The following ANKS1B variants were observed in gnomAD, a reference collection of about 807,000 sequenced individuals.
ANKS1B encodes the protein ankyrin repeat and sterile alpha motif domain-containing protein 1B.
A neutral mutation model predicts 148.3 loss-of-function variants in ANKS1B; 36 were observed. That is an observed-to-expected ratio of 0.24 (90% CI 0.19 to 0.32). The LOEUF is 0.32. Among genes scored for constraint, ANKS1B ranks in the 10% least tolerant of loss-of-function variants. The probability of loss-of-function intolerance (pLI) is 1.00; values close to 1 mark genes in which losing one functional copy is unlikely to be tolerated. For synonymous variants in ANKS1B, 542 were observed against 560.8 expected, an observed-to-expected ratio of 0.97 and a Z score of 0.47; for missense variants, 1,157 against 1,542.6, an observed-to-expected ratio of 0.75 and a Z score of 4.19.
chr12:99,787,956 A>G (rs2065182339), intron 4 of ANKS1B, among the ~76,000 whole-genome samples: 1 of 152,130 alleles, frequency 6.6e-6, no homozygotes, highest in South Asian at 2.1e-4. Context: ...GAAGGGAATC[A>G]CCCATGGAAT....
In ANKS1B at chr12:99,644,587, T is replaced by C. The variant is rs183908783; in HGVS notation, c.1272+10480A>G. Among the ~76,000 whole-genome samples the C allele has an allele frequency of 1.1e-4, 16 of 152,362 alleles. No homozygotes were observed. In the East Asian group the frequency reaches 3.1e-3, roughly 29 times the overall value. ...TGCTCCTCAAAATTCTTCTAGCTTC[T>C]ACCCAGTGCCCAATTCCAAAGCCAT... On this transcript the variant is annotated intron_variant, in intron 9 of 26. Coordinates refer to ENST00000683438, the MANE Select transcript of ANKS1B (RefSeq NM_001352186.2).
intron 1 of ANKS1B, among the ~76,000 whole-genome samples, chr12:99,925,294 T>C (rs2094456108): frequency 6.6e-6 from 1 of 152,176 alleles, no homozygotes; most frequent in East Asian, 1.9e-4. Flanking sequence ...TTGGGTTTAA[T>C]AGCCTTTGGC....
At chr12:98,954,587 A>T (rs1015076581) in intron 17 of ANKS1B, among the ~76,000 whole-genome samples, 2 of 152,230 alleles carry the variant, frequency 1.3e-5, no homozygotes, top group Admixed American at 6.5e-5. Context: ...ATGTAATTTC[A>T]CAATTGCATT....
intron 17 of ANKS1B, among the ~76,000 whole-genome samples, chr12:99,046,217 C>T (rs982308727): frequency 2.0e-4 from 31 of 151,982 alleles, no homozygotes; most frequent in African/African-American, 6.8e-4. Flanking sequence ...AGATCAAAGA[C>T]TATTCAAAGA....
chr12:98,791,744 T>C (rs1198094120), intron 22 of ANKS1B, among the ~76,000 whole-genome samples: 1 of 152,130 alleles, frequency 6.6e-6, no homozygotes, highest in East Asian at 1.9e-4. Flanking sequence ...TTTAAAAAAA[T>C]AGTTGTTTAA....
intron 10 of ANKS1B, among the ~76,000 whole-genome samples, chr12:99,450,581 A>G (rs895028601): frequency 6.6e-6 from 1 of 152,200 alleles, no homozygotes; most frequent in African/African-American, 2.4e-5. Context: ...ATAATTAAGT[A>G]CTAAATTATT....
chr12:99,446,704 C>T (rs780969493), intron 10 of ANKS1B, among the ~76,000 whole-genome samples: 8 of 152,002 alleles, frequency 5.3e-5, no homozygotes, highest in Admixed American at 2.0e-4. Flanking sequence ...TAGGAGCACA[C>T]TCTACTTCAA....
chr12:99,752,366 G>C (rs1378416311), intron 8 of ANKS1B, among the ~76,000 whole-genome samples: 5 of 151,682 alleles, frequency 3.3e-5, no homozygotes, highest in South Asian at 2.1e-4. Context: ...TCAATTATTT[G>C]GTAATATATC....
chr12:99,331,656 C>T (rs369097723), intron 12 of ANKS1B, among the ~76,000 whole-genome samples: 2 of 151,978 alleles, frequency 1.3e-5, no homozygotes, highest in Admixed American at 6.6e-5. Flanking sequence ...GAATGTGGTT[C>T]GTTCACTGAG....
chr12:99,678,076 A>G (rs10860488), intron 8 of ANKS1B, among the ~76,000 whole-genome samples: 68,501 of 152,052 alleles, frequency 0.45, 16,209 homozygotes, highest in South Asian at 0.6. Flanking sequence ...TGCTCCATTC[A>G]TTACTCTGTT....
chr12:99,010,735 C>CATTATT (rs1004546325), intron 17 of ANKS1B, among the ~76,000 whole-genome samples: 35 of 148,946 alleles, frequency 2.3e-4, no homozygotes, highest in Admixed American at 5.4e-4. Context: ...ACAACTCCAG[C>CATTATT]ATTATTATTA....
chr12:99,071,644 CTTT>C (rs71646503), intron 16 of ANKS1B, among the ~76,000 whole-genome samples: 3 of 143,168 alleles, frequency 2.1e-5, no homozygotes, highest in Non-Finnish European at 1.5e-5. Context: ...TAATCTCTCT[CTTT>C]TTTTTTTTTT....
chr12:99,631,194 A>G (rs1487079625), intron 9 of ANKS1B, among the ~76,000 whole-genome samples: 3 of 152,130 alleles, frequency 2.0e-5, no homozygotes, highest in African/African-American at 7.2e-5. Flanking sequence ...GAGGGAACAA[A>G]CTTATCCAAT....
At chr12:99,331,157 CTGTTAA>C (rs1256207387) in intron 12 of ANKS1B, among the ~76,000 whole-genome samples, 2 of 151,870 alleles carry the variant, frequency 1.3e-5, no homozygotes, top group Non-Finnish European at 2.9e-5. Flanking sequence ...GCATGTGTTA[CTGTTAA>C]TAACAACTTG....
intron 14 of ANKS1B, among the ~76,000 whole-genome samples, chr12:99,169,379 T>C (rs1443294050): frequency 6.6e-6 from 1 of 152,160 alleles, no homozygotes; most frequent in Non-Finnish European, 1.5e-5. Context: ...TTAATTATGT[T>C]TGCTAAGCAG....
chr12:99,322,184 A>G (rs1408232948), intron 12 of ANKS1B, among the ~76,000 whole-genome samples: 1 of 152,164 alleles, frequency 6.6e-6, no homozygotes, highest in Non-Finnish European at 1.5e-5. Context: ...CCATAAAAAA[A>G]TGAGACTATG....
At chr12:99,179,686 C>T (rs2078881436) in intron 14 of ANKS1B, among the ~76,000 whole-genome samples, 1 of 152,168 alleles carries the variant, frequency 6.6e-6, no homozygotes, top group Non-Finnish European at 1.5e-5. Context: ...ATGGGAAAAA[C>T]TCTCTATGAA....
In ANKS1B at chr12:99,122,988, T is replaced by TA. The variant is rs139209801; in HGVS notation, c.2526+31300dup. On this transcript the variant is annotated intron_variant, in intron 15 of 26. Transcript: ENST00000683438. ...GGAGCTAGAAATAAATCAGTAAAAT[T>TA]AAAAAAAAAATATATATATATATAT... 8.1e-3 allele frequency among the ~76,000 whole-genome samples: 343 copies of TA among 42,208 alleles called. 4 individuals carry two copies. Among genetic ancestry groups the TA allele is most frequent in the African/African-American group, 0.023 (309 of 13,156 alleles). 27.7% of individuals were successfully genotyped at this position (42,208 alleles called of 152,430 possible). A position where few individuals can be genotyped will look rare whatever the true frequency, so the allele number is the denominator to read the frequency against.
chr12:99,154,496 C>T (rs1207116013), intron 14 of ANKS1B, 101 bp from the exon 15 acceptor site: 3 of 1,608,786 alleles, frequency 1.9e-6, no homozygotes, highest in Admixed American at 3.4e-5. Context: ...ACATCATGCC[C>T]CTGGGAAAGT....
Sources: gnomAD v4.1 joint callset for allele counts (sites outside exome capture counted in the v4.1 genomes callset) on GRCh38, gnomAD v4.1.1 for gene constraint, MANE v1.5 for transcripts, NCBI Gene and HGNC (gene_info 2026-07-23, HGNC 2026-07-21) for gene names.